The following RBFOX1 variants were observed in gnomAD, a reference collection of about 807,000 sequenced individuals.
RBFOX1 encodes the protein RNA binding protein fox-1 homolog 1.
Under a neutral mutation model 57.7 loss-of-function variants are expected in RBFOX1, and 8 were observed. That is an observed-to-expected ratio of 0.14 (90% CI 0.08 to 0.25). The LOEUF (loss-of-function observed/expected upper bound fraction) is 0.25, where lower values mean the gene tolerates loss of function less well. RBFOX1 is among the 10% of genes least tolerant of loss of function. The pLI is 1.00. For synonymous variants in RBFOX1, 326 were observed against 222.4 expected (o/e 1.47, Z -4.15); for missense variants, 611 against 548.5 (o/e 1.11, Z -1.14).
chr16:7,112,432 C>G lies in RBFOX1; in HGVS notation c.27+60334C>G, dbSNP rs375510809. On this transcript the variant is annotated intron_variant, in intron 4 of 15. Transcript: ENST00000550418. ...TTCGCCATGTTGGCCAGGCTGAACTCCTGGCCTCAAGTTGTCCGCCCGCCT... is the reference window on the plus strand; with the variant it reads ...TTCGCCATGTTGGCCAGGCTGAACTGCTGGCCTCAAGTTGTCCGCCCGCCT... 2.5e-4 allele frequency among the ~76,000 whole-genome samples: 37 copies of G among 149,332 alleles called. 1 individual carries two copies. The South Asian group carries it at 7.9e-3, about 32-fold the overall frequency.
chr16:7,269,503 G>C (rs75334658), intron 4 of RBFOX1, among the ~76,000 whole-genome samples: 14,436 of 152,040 alleles, frequency 0.095, 794 homozygotes, highest in Non-Finnish European at 0.11. Context: ...AAAGCTTACA[G>C]TATTTGACTG....
chr16:6,896,005 A>C (rs149062750), intron 3 of RBFOX1, among the ~76,000 whole-genome samples: 5 of 151,946 alleles, frequency 3.3e-5, no homozygotes, highest in African/African-American at 1.2e-4. Context: ...TAATCAAATC[A>C]TGAAGAATGG....
chr16:5,457,152 T>A (rs570089906), intron 1 of RBFOX1, among the ~76,000 whole-genome samples: 28 of 152,290 alleles, frequency 1.8e-4, no homozygotes, highest in African/African-American at 6.3e-4. Flanking sequence ...TTATTTATTT[T>A]TTGAGACAGA....
chr16:7,698,134 A>G (rs1475341976), intron 14 of RBFOX1, among the ~76,000 whole-genome samples: 1 of 152,074 alleles, frequency 6.6e-6, no homozygotes, highest in Non-Finnish European at 1.5e-5. Context: ...CTAGTCCCTG[A>G]AAACCCCAGA....
At chr16:7,306,390 A>G (rs2096186642) in intron 4 of RBFOX1, among the ~76,000 whole-genome samples, 1 of 152,216 alleles carries the variant, frequency 6.6e-6, no homozygotes, top group East Asian at 1.9e-4. Context: ...AGGCTTGAAG[A>G]AAACATTGGC....
chr16:5,293,231 G>C (rs1193141586), intron 1 of RBFOX1, among the ~76,000 whole-genome samples: 1 of 152,072 alleles, frequency 6.6e-6, no homozygotes, highest in Non-Finnish European at 1.5e-5. Context: ...TGAGGCAGGA[G>C]TTATCGCTTG....
intron 4 of RBFOX1, among the ~76,000 whole-genome samples, chr16:7,335,259 T>G (rs1215413576): frequency 6.6e-6 from 1 of 152,208 alleles, no homozygotes; most frequent in Non-Finnish European, 1.5e-5. Flanking sequence ...CCTTATGGGT[T>G]TCTTCCTCAC....
rs543213139 is a variant in RBFOX1 at position 5,800,242 on chromosome 16, G to T, written c.319-67061G>T. On this transcript the variant is annotated intron_variant, in intron 3 of 19. Transcript: ENST00000641259. ...CACAGGTGATGCTCTGGCATGTCCA[G>T]TCCAATGGTGTGTAGCCTAATTTTG... Among the ~76,000 whole-genome samples, 3 of 152,290 alleles carry T rather than the reference G, an allele frequency of 2.0e-5. No homozygotes were observed. The South Asian group carries it at 6.2e-4, about 32-fold the overall frequency.
In RBFOX1 at chr16:6,256,379, T is replaced by G. The variant is rs540969132; in HGVS notation, c.-126-60616T>G. The stretch of plus-strand genomic sequence containing the variant: ...AGGGGAAGAGGTTGGGTAAGAGGAC[T>G]GAGGCAGAAGGAGGCAGGCATGCCC... On this transcript the variant is annotated intron_variant, in intron 1 of 15. Coordinates refer to ENST00000550418, the MANE Select transcript of RBFOX1 (RefSeq NM_018723.4). 6.0e-5 allele frequency among the ~76,000 whole-genome samples: 9 copies of G among 149,086 alleles called. No homozygotes were observed. The South Asian group carries it at 1.9e-3, about 32-fold the overall frequency.
chr16:5,483,418 A>G (rs1043455021), intron 2 of RBFOX1, among the ~76,000 whole-genome samples: 1 of 152,028 alleles, frequency 6.6e-6, no homozygotes, highest in African/African-American at 2.4e-5. Context: ...CCCATGAGGC[A>G]TTTTTTCCCC....
intron 4 of RBFOX1, among the ~76,000 whole-genome samples, chr16:5,919,147 A>G (rs1019905876): frequency 6.6e-6 from 1 of 152,086 alleles, no homozygotes; most frequent in Non-Finnish European, 1.5e-5. Context: ...TCTTATCCTG[A>G]TATGTAGAAA....
intron 3 of RBFOX1, among the ~76,000 whole-genome samples, chr16:6,661,316 C>A (rs182840405): frequency 6.6e-6 from 1 of 152,150 alleles, no homozygotes; most frequent in African/African-American, 2.4e-5. Context: ...ATGAAAGGCC[C>A]TCCTGGCAGA....
intron 3 of RBFOX1, among the ~76,000 whole-genome samples, chr16:6,977,140 T>A (rs1344350611): frequency 7.3e-6 from 1 of 137,206 alleles, no homozygotes; most frequent in African/African-American, 2.8e-5. Flanking sequence ...ATGATATATA[T>A]TATATATATC....
At chr16:6,482,077 T>C (rs2095379957) in intron 2 of RBFOX1, among the ~76,000 whole-genome samples, 1 of 152,234 alleles carries the variant, frequency 6.6e-6, no homozygotes, top group South Asian at 2.1e-4. Context: ...TATTAGCATT[T>C]TAATATTTGC....
intron 3 of RBFOX1, among the ~76,000 whole-genome samples, chr16:6,974,989 C>G (rs748202667): frequency 2.0e-5 from 3 of 152,160 alleles, no homozygotes; most frequent in Admixed American, 6.5e-5. Flanking sequence ...GCTTCTAATT[C>G]TGGAAGAAAG....
chr16:7,207,257 C>A (rs2090183349), intron 4 of RBFOX1, among the ~76,000 whole-genome samples: 1 of 152,122 alleles, frequency 6.6e-6, no homozygotes, highest in Non-Finnish European at 1.5e-5. Flanking sequence ...TATGGGGGTT[C>A]CTCTGGTCAC....
intron 4 of RBFOX1, among the ~76,000 whole-genome samples, chr16:7,207,406 T>A (rs1203282483): frequency 6.6e-6 from 1 of 152,096 alleles, no homozygotes; most frequent in Non-Finnish European, 1.5e-5. Flanking sequence ...ACATGAATGG[T>A]AGAGAGAGGA....
At chr16:5,748,413 C>G (rs535149163) in intron 3 of RBFOX1, among the ~76,000 whole-genome samples, 4 of 152,244 alleles carry the variant, frequency 2.6e-5, no homozygotes, top group South Asian at 2.1e-4. Context: ...GAGCTGAGTT[C>G]AATTCCTGGA....
chr16:6,614,624 C>T (rs1488514409), intron 2 of RBFOX1, among the ~76,000 whole-genome samples: 1 of 152,166 alleles, frequency 6.6e-6, no homozygotes, highest in Non-Finnish European at 1.5e-5. Context: ...GGCTTGGTTC[C>T]TTCTGCAGGA....
Sources: allele counts gnomAD v4.1 joint callset (sites outside exome capture counted in the v4.1 genomes callset), GRCh38; gene constraint gnomAD v4.1.1; transcripts MANE v1.5; gene names NCBI Gene and HGNC (gene_info 2026-07-23, HGNC 2026-07-21).